DDX4: variants seen among roughly 807,000 people sequenced by gnomAD.
DDX4 encodes the protein probable ATP-dependent RNA helicase DDX4.
Under a neutral mutation model 100.0 loss-of-function variants are expected in DDX4, and 25 were observed. The observed-to-expected ratio is 0.25, with a 90% CI of 0.18 to 0.35. The LOEUF (loss-of-function observed/expected upper bound fraction) is 0.35. Ranked by LOEUF, DDX4 falls within the 10% of genes least tolerant of loss-of-function variation. The pLI is 1.00. For missense variants in DDX4, 635 were observed against 882.4 expected (o/e 0.72, Z 3.55); for synonymous variants, 259 against 275.7 (o/e 0.94, Z 0.60).
chr5:55,746,256 A>G (rs1239675834), intron 3 of DDX4, 35 bp downstream of exon 3: 1 of 1,560,760 alleles, frequency 6.4e-7, no homozygotes, highest in African/African-American at 1.4e-5. Flanking sequence ...AACCCTTTTT[A>G]GTTTAAGGGT....
At chr5:55,807,251 A>G (rs1743792334) in intron 18 of DDX4, among the ~76,000 whole-genome samples, 1 of 152,150 alleles carries the variant, frequency 6.6e-6, no homozygotes, top group African/African-American at 2.4e-5. Context: ...AATACAGCAC[A>G]CTGATGGGTC....
chr5:55,801,910 C>T (rs747160495), intron 18 of DDX4, among the ~76,000 whole-genome samples: 23 of 152,162 alleles, frequency 1.5e-4, no homozygotes, highest in Admixed American at 6.5e-5. Context: ...TCTCACTCTA[C>T]GAAAGGTCCC....
intron 17 of DDX4, among the ~76,000 whole-genome samples, chr5:55,793,071 T>TGTGTGTTTGTGTG (rs757473435): frequency 1.3e-5 from 2 of 150,052 alleles, no homozygotes; most frequent in East Asian, 2.0e-4. Context: ...TGTGTTGTTG[T>TGTGTGTTTGTGTG]TGTTGTTGCA....
intron 17 of DDX4, among the ~76,000 whole-genome samples, chr5:55,796,782 C>T (rs1230263627): frequency 6.8e-6 from 1 of 146,456 alleles, no homozygotes; most frequent in Non-Finnish European, 1.5e-5. Flanking sequence ...CTAGATCAAG[C>T]TTCAAACTTG....
At chr5:55,755,248 A>G (rs1307533746) in intron 3 of DDX4, among the ~76,000 whole-genome samples, 2 of 152,170 alleles carry the variant, frequency 1.3e-5, no homozygotes, top group Non-Finnish European at 2.9e-5. Context: ...CCTCACTTCA[A>G]TGGGAATGCT....
intron 21 of DDX4, 133 bp downstream of exon 21, chr5:55,815,556 T>C (rs1744349336): frequency 3.2e-6 from 4 of 1,251,390 alleles, no homozygotes; most frequent in Non-Finnish European, 4.1e-6. Context: ...GCTACTTTAT[T>C]ATTTCATTAA....
In DDX4 at chr5:55,780,910, T is replaced by C. The variant is rs148170792; in HGVS notation, c.497-156T>C. 3.5e-3 allele frequency among the ~76,000 whole-genome samples: 537 copies of C among 152,370 alleles called. 6 individuals are homozygous for C. The highest frequency in any genetic ancestry group is 0.012 in the African/African-American group (502 of 41,586). Reference sequence around the variant, plus strand: ...AATAGAATAGTTTAACTTAGTTTAATAGAATAGTTTAACTTAGTTTAATAG... The same window carrying C: ...AATAGAATAGTTTAACTTAGTTTAACAGAATAGTTTAACTTAGTTTAATAG... On this transcript the variant is annotated intron_variant, in intron 8 of 21. Transcript: ENST00000505374.
intron 7 of DDX4, among the ~76,000 whole-genome samples, chr5:55,772,036 T>C (rs1480158931): frequency 6.6e-6 from 1 of 152,106 alleles, no homozygotes; most frequent in Non-Finnish European, 1.5e-5. Flanking sequence ...CTGGCCAATA[T>C]GGTGAAACCC....
chr5:55,797,927 A>T (rs1442923267), intron 17 of DDX4, among the ~76,000 whole-genome samples: 1 of 152,206 alleles, frequency 6.6e-6, no homozygotes, highest in African/African-American at 2.4e-5. Flanking sequence ...CAGACAGAGC[A>T]CTGACCTAAG....
chr5:55,751,991 T>C (rs1297361104), intron 3 of DDX4, among the ~76,000 whole-genome samples: 1 of 152,126 alleles, frequency 6.6e-6, no homozygotes, highest in Admixed American at 6.5e-5. Context: ...CAAGACATAG[T>C]GTATGCAGTA....
intron 15 of DDX4, among the ~76,000 whole-genome samples, chr5:55,788,265 A>G (rs901325185): frequency 4.6e-5 from 7 of 152,170 alleles, no homozygotes; most frequent in African/African-American, 1.4e-4. Flanking sequence ...GCTTGAGGCC[A>G]GGAGTTCGAG....
chr5:55,772,357 C>T (rs1268607730), intron 7 of DDX4, among the ~76,000 whole-genome samples: 2 of 152,168 alleles, frequency 1.3e-5, no homozygotes, highest in African/African-American at 2.4e-5. Flanking sequence ...CACTACAGGG[C>T]TGCCTTTGTC....
intron 2 of DDX4, among the ~76,000 whole-genome samples, chr5:55,745,180 C>T (rs1759186052): frequency 6.6e-6 from 1 of 152,126 alleles, no homozygotes; most frequent in Non-Finnish European, 1.5e-5. Context: ...TGAGCCCGGC[C>T]AGTGAATTCC....
intron 2 of DDX4, among the ~76,000 whole-genome samples, chr5:55,744,906 G>GT (rs1403600271): frequency 6.6e-6 from 1 of 151,864 alleles, no homozygotes; most frequent in African/African-American, 2.4e-5. Context: ...GTGAGACAGT[G>GT]TTTTGCTCTT....
chr5:55,777,516 GAAGCT>G (rs1741638358), intron 7 of DDX4: 1 of 152,130 alleles, frequency 6.6e-6, no homozygotes, highest in African/African-American at 2.4e-5. Flanking sequence ...TCTGATCTTG[GAAGCT>G]AAGCAGGGTT....
chr5:55,754,486 C>A (rs1157713853), intron 3 of DDX4, among the ~76,000 whole-genome samples: 1 of 145,402 alleles, frequency 6.9e-6, no homozygotes, highest in Admixed American at 7.0e-5. Flanking sequence ...TATTGATTTG[C>A]GTATATTGAA....
At chr5:55,788,087 C>T (rs1742350336) in intron 15 of DDX4, 87 bp downstream of exon 15, 1 of 1,154,172 alleles carries the variant, frequency 8.7e-7, no homozygotes, top group Non-Finnish European at 1.2e-6. Flanking sequence ...AGTAATAATG[C>T]ACTCATGTAA....
At chr5:55,763,112 G>A in intron 4 of DDX4, 63 bp from the exon 5 acceptor site, 2 of 1,104,854 alleles carry the variant, frequency 1.8e-6, no homozygotes, top group Admixed American at 3.5e-5. Flanking sequence ...TTAATTCTTA[G>A]TTTTTGATGA....
intron 18 of DDX4, 85 bp downstream of exon 18, chr5:55,798,656 C>T: frequency 1.5e-6 from 2 of 1,301,774 alleles, no homozygotes; most frequent in South Asian, 3.5e-5. Context: ...ATTGTTTGGT[C>T]TGACTTTTCA....
Sources: allele counts gnomAD v4.1 joint callset (sites outside exome capture counted in the v4.1 genomes callset), GRCh38; gene constraint gnomAD v4.1.1; transcripts MANE v1.5; gene names NCBI Gene and HGNC (gene_info 2026-07-23, HGNC 2026-07-21).